NCAM1: variants seen among roughly 807,000 people sequenced by gnomAD.
NCAM1 encodes neural cell adhesion molecule 1, also known as antigen recognized by monoclonal antibody 5.1H11.
NCAM1 carries 14 observed loss-of-function variants against 109.8 expected under a neutral mutation model. That is an observed-to-expected ratio of 0.13 (90% CI 0.08 to 0.20). NCAM1 has a LOEUF of 0.20. Ranked by LOEUF, NCAM1 falls within the 10% of genes least tolerant of loss-of-function variation. NCAM1 has a pLI of 1.00. For synonymous variants in NCAM1, 418 were observed against 442.9 expected (o/e 0.94, Z 0.70); for missense variants, 774 against 1,109.9 (o/e 0.70, Z 4.30).
intron 9 of NCAM1, among the ~76,000 whole-genome samples, chr11:113,230,874 G>A (rs1429342620): frequency 6.6e-6 from 1 of 152,174 alleles, no homozygotes; most frequent in Non-Finnish European, 1.5e-5. Context: ...CATTGCCTAA[G>A]GACTATGTGC....
intron 1 of NCAM1, among the ~76,000 whole-genome samples, chr11:113,000,892 T>C (rs1368662496): frequency 2.0e-5 from 3 of 150,002 alleles, no homozygotes; most frequent in African/African-American, 7.4e-5. Context: ...TATGTATGTG[T>C]ACGTGTATAT....
chr11:113,201,472 G>T (rs1408626774), intron 1 of NCAM1, among the ~76,000 whole-genome samples: 2 of 152,138 alleles, frequency 1.3e-5, no homozygotes, highest in Non-Finnish European at 2.9e-5. Flanking sequence ...CTTAAGAGAA[G>T]GAAAGGCAGA....
chr11:113,108,634 T>C (rs11214493), intron 1 of NCAM1, among the ~76,000 whole-genome samples: 10,920 of 152,200 alleles, frequency 0.072, 755 homozygotes, highest in Admixed American at 0.17. Context: ...TTTCTTCATA[T>C]GCTCATAAAT....
rs928265205 is a variant in NCAM1, at chr11:113,174,303, C to T, written c.53-28076C>T. 2.6e-5 allele frequency among the ~76,000 whole-genome samples: 4 copies of T among 152,212 alleles called. No homozygotes were observed. The South Asian group carries it at 8.3e-4, about 31-fold the overall frequency. ...GGTTTCAGCCCTTATTGACATTTCT[C>T]TTTCAGAGATAAGACTCCATTTCCC... On this transcript the variant is annotated intron_variant, in intron 1 of 19. Transcript: ENST00000316851.
rs1273811126 is a variant in NCAM1 at position 113,276,761 on chromosome 11, T to TGGA, written c.*1376_*1378dup. ...AAGAAGAAAGAAACAACCTACTGTC[T>TGGA]GGAGTCATAACACAACTTTCCTGGA... On this transcript the variant is annotated 3_prime_UTR_variant, in exon 20 of 20. Transcript: ENST00000316851. The TGGA allele has an allele frequency of 3.5e-5, 5 of 141,298 alleles. No individual in the cohort carries two copies. Among genetic ancestry groups the TGGA allele is most frequent in the African/African-American group, 1.3e-4 (5 of 37,224 alleles). The allele number at this position is 141,298 out of a possible 1,614,324, so 8.8% of individuals were successfully genotyped here.
intron 1 of NCAM1, among the ~76,000 whole-genome samples, chr11:113,135,495 T>A (rs1305450400): frequency 6.6e-6 from 1 of 152,150 alleles, no homozygotes; most frequent in African/African-American, 2.4e-5. Context: ...ACTGTTCAGC[T>A]TCTTAAAATA....
chr11:113,199,222 A>G (rs1169489230), intron 1 of NCAM1, among the ~76,000 whole-genome samples: 2 of 152,202 alleles, frequency 1.3e-5, no homozygotes, highest in African/African-American at 4.8e-5. Flanking sequence ...AGTTATGCCC[A>G]GTGACGAAAT....
At chr11:113,243,046 A>G (rs2137399341) in intron 14 of NCAM1, 3 of 912,978 alleles carry the variant, frequency 3.3e-6, no homozygotes, top group Non-Finnish European at 3.9e-6. Flanking sequence ...CAGCAAAAGA[A>G]CGGGGTTGAT....
At chr11:113,135,087 C>T (rs1555099136) in intron 1 of NCAM1, among the ~76,000 whole-genome samples, 1 of 152,072 alleles carries the variant, frequency 6.6e-6, no homozygotes, top group African/African-American at 2.4e-5. Context: ...TTGGGTGCTG[C>T]TAACTGTGTG....
chr11:113,180,628 C>G (rs988291537), intron 1 of NCAM1, among the ~76,000 whole-genome samples: 7 of 152,220 alleles, frequency 4.6e-5, no homozygotes, highest in African/African-American at 1.7e-4. Context: ...TTTTCTTCCA[C>G]TCTACTCTGA....
intron 1 of NCAM1, among the ~76,000 whole-genome samples, chr11:113,151,874 G>T (rs1334157528): frequency 6.6e-6 from 1 of 152,198 alleles, no homozygotes; most frequent in African/African-American, 2.4e-5. Context: ...AAGCTGACTT[G>T]GGAAGGATGG....
chr11:112,984,474 G>A (rs1415801937), intron 1 of NCAM1, among the ~76,000 whole-genome samples: 2 of 151,796 alleles, frequency 1.3e-5, no homozygotes, highest in African/African-American at 2.4e-5. Context: ...CCCCCATTCT[G>A]TTTTCTACTG....
intron 1 of NCAM1, among the ~76,000 whole-genome samples, chr11:113,195,104 C>G (rs1273405499): frequency 3.3e-5 from 5 of 152,186 alleles, no homozygotes; most frequent in Admixed American, 3.3e-4. Context: ...AAACAGAAGC[C>G]AAAATCTGTA....
intron 1 of NCAM1, among the ~76,000 whole-genome samples, chr11:112,983,128 CCTT>C (rs1374369611): frequency 6.6e-6 from 1 of 151,836 alleles, no homozygotes; most frequent in African/African-American, 2.4e-5. Flanking sequence ...ACAGAGCTGC[CCTT>C]TTTATATGGT....
chr11:113,112,013 C>T (rs1555093812), intron 1 of NCAM1, among the ~76,000 whole-genome samples: 1 of 152,178 alleles, frequency 6.6e-6, no homozygotes, highest in Non-Finnish European at 1.5e-5. Context: ...AACATGGTTG[C>T]TTTAACTGAA....
intron 1 of NCAM1, among the ~76,000 whole-genome samples, chr11:113,008,535 C>T (rs1408024613): frequency 6.6e-6 from 1 of 152,178 alleles, no homozygotes; most frequent in Non-Finnish European, 1.5e-5. Flanking sequence ...AATTATCCCC[C>T]TAAATGAATT....
chr11:113,195,524 ACAGAGT>A (rs1943828010), intron 1 of NCAM1, among the ~76,000 whole-genome samples: 1 of 131,468 alleles, frequency 7.6e-6, no homozygotes, highest in Non-Finnish European at 1.6e-5. Flanking sequence ...TTTTTTTGAG[ACAGAGT>A]CTCGCTTTGT....
intron 1 of NCAM1, among the ~76,000 whole-genome samples, chr11:113,047,540 G>A (rs192709307): frequency 2.6e-4 from 39 of 152,284 alleles, no homozygotes; most frequent in Middle Eastern, 3.4e-3. Context: ...TGGGGTAACA[G>A]GGTTCTGCAC....
rs183648249 is a variant in NCAM1 at position 113,241,137 on chromosome 11, G to A, written c.1826-5231G>A. Among the ~76,000 whole-genome samples the A allele has an allele frequency of 1.5e-3, 235 of 152,284 alleles. 2 individuals are homozygous for A. Among genetic ancestry groups the A allele is most frequent in the African/African-American group, 5.6e-3 (232 of 41,566 alleles). ...TGTCCTCAGGATTCTGAGTGGGCTG[G>A]ATCAAAGCTCGTATTTGGAGAAGCC... is the stretch of plus-strand genomic sequence containing the variant. On this transcript the variant is annotated intron_variant, in intron 14 of 19. Transcript: ENST00000316851.
Sources: gnomAD v4.1 joint callset for allele counts (sites outside exome capture counted in the v4.1 genomes callset) on GRCh38, gnomAD v4.1.1 for gene constraint, MANE v1.5 for transcripts, NCBI Gene and HGNC (gene_info 2026-07-23, HGNC 2026-07-21) for gene names.